The following PPM1F variants were observed in gnomAD, a reference collection of about 807,000 sequenced individuals.
PPM1F encodes protein phosphatase 1F.
A neutral mutation model predicts 35.5 loss-of-function variants in PPM1F; 17 were observed. The ratio of observed to expected loss-of-function variants is 0.48; its 90% CI spans 0.33 to 0.72. The LOEUF is 0.72. PPM1F is among the 30% of genes least tolerant of loss of function. The pLI is 0.02. For missense variants in PPM1F, 521 were observed against 613.0 expected (o/e 0.85, Z 1.59); for synonymous variants, 241 against 255.5 (o/e 0.94, Z 0.54).
intron 5 of PPM1F, among the ~76,000 whole-genome samples, chr22:21,932,532 A>G (rs1304717268): frequency 6.6e-6 from 1 of 152,148 alleles, no homozygotes; most frequent in Non-Finnish European, 1.5e-5. Context: ...CTTTTAAGCA[A>G]CCTGAGCCTC....
At chr22:21,926,576 A>G (rs1315966703) in intron 6 of PPM1F, among the ~76,000 whole-genome samples, 1 of 152,148 alleles carries the variant, frequency 6.6e-6, no homozygotes, top group African/African-American at 2.4e-5. Context: ...CTTTGGTCCT[A>G]TCAGCCTCTG....
intron 1 of PPM1F, chr22:21,947,708 C>T (rs980953679): frequency 6.6e-6 from 1 of 152,176 alleles, no homozygotes; most frequent in Non-Finnish European, 1.5e-5. Flanking sequence ...ACTCTGCCTA[C>T]AAACTTTGCT....
rs1409209826 is a variant in PPM1F at position 21,920,474 on chromosome 22, T to C, written c.*2618A>G. The C allele has an allele frequency of 6.6e-6, 1 of 152,512 alleles. No homozygotes were observed. The allele number at this position is 152,512 out of a possible 1,614,324, so 9.4% of individuals were successfully genotyped here. On this transcript the variant is annotated 3_prime_UTR_variant, in exon 8 of 8. Transcript: ENST00000263212. ...GTTGGAGGCTGAAGACACCTGGTGC[T>C]TCTTGGTGCAGTCCTGGTCAAGATG...
chr22:21,925,953 C>T (rs1601777635), intron 6 of PPM1F: 2 of 365,748 alleles, frequency 5.5e-6, no homozygotes, highest in East Asian at 8.3e-5. Context: ...GTCAGGGAGG[C>T]ACTCACGAGG....
intron 3 of PPM1F, chr22:21,938,385 A>G (rs764487379): frequency 5.2e-5 from 61 of 1,164,904 alleles, no homozygotes; most frequent in Middle Eastern, 3.9e-4. Flanking sequence ...GCTGTCTCCC[A>G]GGCTAAGGCA....
chr22:21,934,399 A>T, intron 3 of PPM1F, 173 bp from the exon 4 acceptor site: 1 of 598,726 alleles, frequency 1.7e-6, no homozygotes. Flanking sequence ...AGAATTAGAA[A>T]TGTCTAGTTT....
intron 3 of PPM1F, chr22:21,938,015 A>C: frequency 9.0e-7 from 1 of 1,112,734 alleles, no homozygotes; most frequent in Admixed American, 3.6e-5. Flanking sequence ...ACTTGACTAC[A>C]TTCTACTTCC....
chr22:21,931,361 T>A, intron 5 of PPM1F, 70 bp from the exon 6 acceptor site: 1 of 1,468,994 alleles, frequency 6.8e-7, no homozygotes. Flanking sequence ...CGGGGCAGGA[T>A]GAAGCTTCCG....
chr22:21,941,275 C>A (rs2145804311), intron 2 of PPM1F: 1 of 152,462 alleles, frequency 6.6e-6, no homozygotes, highest in South Asian at 2.1e-4. Flanking sequence ...GCCTCTCTGA[C>A]CCTGGTGTGG....
intron 7 of PPM1F, chr22:21,925,228 T>C: frequency 2.5e-6 from 1 of 400,280 alleles, no homozygotes; most frequent in East Asian, 3.6e-5. Flanking sequence ...AAAAAAGGAT[T>C]GTCAGCATGA....
rs2070456545 is a variant in PPM1F at position 21,922,355 on chromosome 22, G to A, written c.*737C>T. On this transcript the variant is annotated 3_prime_UTR_variant, in exon 8 of 8. Coordinates refer to ENST00000263212, the MANE Select transcript of PPM1F (RefSeq NM_014634.4). ...GTCATCTTGGCACTGATAAAACAAA[G>A]AGAAAACCTGGAATACTGCTTCGGA... 1 of 152,526 alleles carries A rather than the reference G, an allele frequency of 6.6e-6. No individual in the cohort carries two copies. Among genetic ancestry groups the A allele is most frequent in the Non-Finnish European group, 1.5e-5 (1 of 68,032 alleles). 9.4% of individuals were successfully genotyped at this position (152,526 alleles called of 1,614,324 possible).
chr22:21,938,730 C>A (rs936968502), intron 3 of PPM1F: 1 of 375,424 alleles, frequency 2.7e-6, no homozygotes, highest in Non-Finnish European at 3.7e-6. Flanking sequence ...CCTTGTGGCA[C>A]CCCTGCTGCA....
intron 3 of PPM1F, chr22:21,938,352 A>G (rs1429901637): frequency 5.0e-5 from 59 of 1,184,986 alleles, no homozygotes; most frequent in Non-Finnish European, 6.2e-5. Flanking sequence ...GCCGAGAACA[A>G]TGGCCGCCTG....
At position 21,922,661 on chromosome 22, in the gene PPM1F, G is replaced by A. The variant is rs1257655936; in HGVS notation, c.*431C>T. On this transcript the variant is annotated 3_prime_UTR_variant, in exon 8 of 8. Coordinates refer to ENST00000263212, the MANE Select transcript of PPM1F (RefSeq NM_014634.4). The stretch of plus-strand genomic sequence containing the variant: ...CCGCAGAGAGGAGCAATGGGAAACT[G>A]GGGCTGGCCACTCCGCTGCTGGGCC... 1 of 161,198 alleles carries A rather than the reference G, an allele frequency of 6.2e-6. No homozygotes were observed. Among genetic ancestry groups the A allele is most frequent in the African/African-American group, 2.4e-5 (1 of 41,704 alleles). The allele number at this position is 161,198 out of a possible 1,614,324, so 10.0% of individuals were successfully genotyped here.
At chr22:21,940,897 G>A (rs1290597662) in intron 2 of PPM1F, among the ~76,000 whole-genome samples, 2 of 152,162 alleles carry the variant, frequency 1.3e-5, no homozygotes, top group Admixed American at 6.5e-5. Context: ...ATTGGTCTGT[G>A]TTTTATTTAT....
chr22:21,940,938 T>G (rs2070718638), intron 2 of PPM1F, among the ~76,000 whole-genome samples: 1 of 152,244 alleles, frequency 6.6e-6, no homozygotes, highest in East Asian at 1.9e-4. Context: ...TTGCTCTGTC[T>G]CCCAGGCTGG....
At chr22:21,950,086 G>A (rs1123393) in intron 1 of PPM1F, 6,507 of 152,470 alleles carry the variant, frequency 0.043, 319 homozygotes, top group East Asian at 0.22. Flanking sequence ...TCATGCTGGG[G>A]AACCTGGGCC....
Position 21,923,290 on chromosome 22 carries a change from G to A in PPM1F, c.1167C>T (p.Val389=), listed in dbSNP as rs767655930. The change falls in exon 8 of 8, where the codon GTC becomes GTT. Residue 389 remains valine, a synonymous_variant. Coordinates refer to ENST00000263212, the MANE Select transcript of PPM1F (RefSeq NM_014634.4). ...GGGCCGCAGCCACCAGCTCCTCGGC[G>A]ACACGGAGCCCGCTGCCCTGCTGCC... The part of the protein sequence containing the change: ...LTRQQGSGLR[V]AEELVAAARE... The A allele has an allele frequency of 1.8e-5, 29 of 1,613,468 alleles. No individual in the cohort carries two copies. The highest frequency in any genetic ancestry group is 2.2e-5 in the Non-Finnish European group (26 of 1,179,934).
chr22:21,945,878 C>T lies in PPM1F; in HGVS notation c.171G>A (p.Glu57=), dbSNP rs987699103. The T allele has an allele frequency of 7.4e-6, 12 of 1,611,914 alleles. No homozygotes were observed. Among genetic ancestry groups the T allele is most frequent in the Admixed American group, 1.7e-5 (1 of 59,956 alleles). ...TVLSQEEVEG[E]LAELAMGFLG... ...GAAAGCCCATGGCCAGCTCAGCCAG[C>T]TCGCCCTCCACCTCCTCCTGGCTGA... is the stretch of plus-strand genomic sequence containing the variant. The change falls in exon 2 of 8, where the codon GAG becomes GAA. Residue 57 remains glutamate (E), a synonymous_variant. Coordinates refer to ENST00000263212, the MANE Select transcript of PPM1F (RefSeq NM_014634.4).
Sources: allele counts gnomAD v4.1 joint callset (sites outside exome capture counted in the v4.1 genomes callset), GRCh38; gene constraint gnomAD v4.1.1; transcripts MANE v1.5; gene names NCBI Gene and HGNC (gene_info 2026-07-23, HGNC 2026-07-21).